Variants in TMEM132C observed in about 807,000 individuals in gnomAD.
TMEM132C encodes transmembrane protein 132C.
TMEM132C carries 29 observed loss-of-function variants against 61.4 expected under a neutral mutation model. That is an observed-to-expected ratio of 0.47 (90% CI 0.35 to 0.64). TMEM132C has a LOEUF of 0.64. Among genes scored for constraint, TMEM132C ranks in the 30% least tolerant of loss-of-function variants. The pLI is 0.00. For synonymous variants in TMEM132C, 656 were observed against 633.1 expected (o/e 1.04, Z -0.54); for missense variants, 1,408 against 1,476.9 (o/e 0.95, Z 0.76).
rs547146042 is a variant in TMEM132C at position 128,623,892 on chromosome 12, A to C, written c.1305+7557A>C. ...ATTTACATAAGCAATAAGAAGAAGA[A>C]GACGAAAGTGAAAAGAGTGGTGCTA... On this transcript the variant is annotated intron_variant, in intron 4 of 8. Transcript: ENST00000435159. 6.8e-4 allele frequency among the ~76,000 whole-genome samples: 104 copies of C among 152,322 alleles called. 1 individual carries two copies. Among genetic ancestry groups the C allele is most frequent in the Non-Finnish European group, 1.3e-3 (86 of 68,028 alleles).
chr12:128,681,817 ATTTTTTTTTT>A (rs35154554), intron 5 of TMEM132C, among the ~76,000 whole-genome samples: 2 of 86,478 alleles, frequency 2.3e-5, no homozygotes, highest in Non-Finnish European at 4.1e-5. Context: ...CCACGCCTGG[ATTTTTTTTTT>A]TTTTTTTTTT....
At chr12:128,305,065 C>T (rs1871723087) in intron 1 of TMEM132C, among the ~76,000 whole-genome samples, 1 of 151,956 alleles carries the variant, frequency 6.6e-6, no homozygotes, top group South Asian at 2.1e-4. Context: ...CCCTTCTTTC[C>T]ATCCACCTTT....
intron 4 of TMEM132C, among the ~76,000 whole-genome samples, chr12:128,622,358 A>T (rs867007633): frequency 8.5e-3 from 406 of 47,746 alleles, no homozygotes; most frequent in African/African-American, 0.014. Flanking sequence ...AAAAAAAAAA[A>T]AAATATATAT....
At chr12:128,391,234 G>T (rs964646801) in intron 1 of TMEM132C, among the ~76,000 whole-genome samples, 1 of 152,206 alleles carries the variant, frequency 6.6e-6, no homozygotes, top group African/African-American at 2.4e-5. Flanking sequence ...CACTCTGGCG[G>T]CTGGCCAGCA....
intron 3 of TMEM132C, among the ~76,000 whole-genome samples, chr12:128,574,545 C>T (rs1875021884): frequency 6.6e-6 from 1 of 152,228 alleles, no homozygotes; most frequent in African/African-American, 2.4e-5. Context: ...GAAGCCCTTG[C>T]TCCTAGGCAT....
Position 128,705,242 on chromosome 12 carries a change from G to T in TMEM132C, c.2274G>T (p.Val758=), listed in dbSNP as rs765990330. 4.5e-6 allele frequency: 7 copies of T among 1,551,662 alleles called. No homozygotes were observed. The South Asian group carries it at 8.3e-5, about 18-fold the overall frequency. The change falls in exon 9 of 9, where the codon GTG becomes GTT. Residue 758 remains valine (V), a synonymous_variant. Coordinates refer to ENST00000435159, the MANE Select transcript of TMEM132C (RefSeq NM_001136103.3). ...PQPRSPRWPV[V]VAEGEGQGPL... The stretch of plus-strand genomic sequence containing the variant: ...CCCGCTCTCCCAGGTGGCCCGTTGT[G>T]GTGGCCGAAGGGGAAGGCCAGGGCC...
chr12:128,446,358 GA>G (rs1869980010), intron 2 of TMEM132C, among the ~76,000 whole-genome samples: 1 of 152,208 alleles, frequency 6.6e-6, no homozygotes, highest in Admixed American at 6.5e-5. Context: ...ATGAGCCACA[GA>G]CAACTGCTAG....
intron 2 of TMEM132C, among the ~76,000 whole-genome samples, chr12:128,492,585 A>G (rs1185405476): frequency 6.6e-6 from 1 of 152,066 alleles, no homozygotes; most frequent in East Asian, 1.9e-4. Context: ...TTTCATTTGC[A>G]TTTCTCTGAT....
chr12:128,403,316 T>C (rs1456405506), intron 1 of TMEM132C, among the ~76,000 whole-genome samples: 1 of 152,164 alleles, frequency 6.6e-6, no homozygotes, highest in East Asian at 1.9e-4. Context: ...CCTTGAGGCA[T>C]ATGGAGAAAG....
At chr12:128,483,078 A>C (rs1190758677) in intron 2 of TMEM132C, among the ~76,000 whole-genome samples, 1 of 151,266 alleles carries the variant, frequency 6.6e-6, no homozygotes, top group Non-Finnish European at 1.5e-5. Flanking sequence ...GCAATATAGC[A>C]AGACCCCATC....
intron 2 of TMEM132C, among the ~76,000 whole-genome samples, chr12:128,417,460 T>G (rs1442194361): frequency 6.6e-6 from 1 of 152,054 alleles, no homozygotes; most frequent in Non-Finnish European, 1.5e-5. Flanking sequence ...AGGATCTGTT[T>G]TCTGAAATTT....
intron 2 of TMEM132C, among the ~76,000 whole-genome samples, chr12:128,437,481 C>T (rs970627267): frequency 2.6e-5 from 4 of 152,076 alleles, no homozygotes; most frequent in Non-Finnish European, 5.9e-5. Flanking sequence ...TGGCCACTAC[C>T]ACCACCAAGA....
At chr12:128,404,862 G>C (rs1875285085) in intron 1 of TMEM132C, 1 of 152,194 alleles carries the variant, frequency 6.6e-6, no homozygotes, top group Admixed American at 6.5e-5. Flanking sequence ...TCTGACTGCA[G>C]CTTTGTGGTA....
At position 128,697,336 on chromosome 12, in the gene TMEM132C, C is replaced by A; in HGVS notation, c.2042C>A (p.Ala681Asp). The A allele has an allele frequency of 2.6e-6, 4 of 1,551,206 alleles. No individual in the cohort carries two copies. In the South Asian group the frequency reaches 4.8e-5, roughly 18 times the overall value. ...CAGCTCGTGGCTGGGCTGTCTGTCG[C>A]CCTTTACCCCAACGCAGAAAACAGC... is the stretch of plus-strand genomic sequence containing the variant. ...AIQLVAGLSV[A>D]LYPNAENSKA... Residue 681 changes from alanine to aspartate, a missense_variant, in exon 8 of 9, where the codon GCC (alanine) becomes GAC (aspartate). Physicochemically the swap from Ala to Asp is moderately radical, Grantham distance 126 (BLOSUM62 -2). Transcript: ENST00000435159.
intron 2 of TMEM132C, among the ~76,000 whole-genome samples, chr12:128,470,150 G>A (rs2136079545): frequency 6.6e-6 from 1 of 152,316 alleles, no homozygotes; most frequent in East Asian, 1.9e-4. Context: ...CCGGAGTGGA[G>A]CGTGGATGGC....
chr12:128,589,432 G>T (rs902143537), intron 3 of TMEM132C, among the ~76,000 whole-genome samples: 1 of 151,432 alleles, frequency 6.6e-6, no homozygotes, highest in Admixed American at 6.6e-5. Flanking sequence ...CACACTGCCC[G>T]TCCGCCCACT....
At chr12:128,366,189 G>A (rs11609325) in intron 1 of TMEM132C, among the ~76,000 whole-genome samples, 14 of 152,202 alleles carry the variant, frequency 9.2e-5, no homozygotes, top group Non-Finnish European at 1.6e-4. Context: ...TGCCTGTGTC[G>A]CCCGCGGCTC....
intron 1 of TMEM132C, 105 bp from the exon 2 acceptor site, chr12:128,414,627 T>G: frequency 7.8e-7 from 1 of 1,278,840 alleles, no homozygotes; most frequent in South Asian, 1.8e-5. Flanking sequence ...GGCTTCAGAA[T>G]TTCTATCCCT....
At chr12:128,613,867 A>G (rs929479655) in intron 3 of TMEM132C, among the ~76,000 whole-genome samples, 6 of 152,216 alleles carry the variant, frequency 3.9e-5, no homozygotes, top group Non-Finnish European at 7.3e-5. Context: ...GCTACTCTTC[A>G]TGTTGGCACA....
Sources: gnomAD v4.1 joint callset for allele counts (sites outside exome capture counted in the v4.1 genomes callset) on GRCh38, gnomAD v4.1.1 for gene constraint, MANE v1.5 for transcripts, NCBI Gene and HGNC (gene_info 2026-07-23, HGNC 2026-07-21) for gene names.